Variants in SLC26A4 observed in about 807,000 individuals in gnomAD.
SLC26A4 encodes pendrin.
A neutral mutation model predicts 90.4 loss-of-function variants in SLC26A4; 93 were observed. The ratio of observed to expected loss-of-function variants is 1.03; its 90% CI spans 0.87 to 1.22. SLC26A4 has a LOEUF of 1.22. Ranked by LOEUF, SLC26A4 falls within the 50% of genes most tolerant of loss-of-function variation. The pLI is 0.00. For missense variants in SLC26A4, 1,127 were observed against 946.2 expected (o/e 1.19, Z -2.51); for synonymous variants, 393 against 354.6 (o/e 1.11, Z -1.22).
chr7:107,708,670 AT>A, intron 18 of SLC26A4, among the ~76,000 whole-genome samples: 1 of 152,238 alleles, frequency 6.6e-6, no homozygotes, highest in African/African-American at 2.4e-5. Flanking sequence ...CCTGAGCAAC[AT>A]GGTGAGACCC....
intron 6 of SLC26A4, among the ~76,000 whole-genome samples, chr7:107,676,277 T>G (rs1791021722): frequency 6.6e-6 from 1 of 152,232 alleles, no homozygotes; most frequent in South Asian, 2.1e-4. Flanking sequence ...TAACAAGTAC[T>G]CTAAATAAAG....
At chr7:107,710,900 A>T (rs894966353) in intron 19 of SLC26A4, among the ~76,000 whole-genome samples, 7 of 152,216 alleles carry the variant, frequency 4.6e-5, no homozygotes, top group African/African-American at 1.7e-4. Flanking sequence ...ACTAAAGCAA[A>T]TACCTATCAA....
At chr7:107,713,163 C>T (rs1279824164) in intron 20 of SLC26A4, among the ~76,000 whole-genome samples, 1 of 152,168 alleles carries the variant, frequency 6.6e-6, no homozygotes, top group East Asian at 1.9e-4. Context: ...AGCTTCGCCA[C>T]TGGATAAGAG....
intron 6 of SLC26A4, among the ~76,000 whole-genome samples, chr7:107,677,982 T>A (rs1436111969): frequency 6.6e-6 from 1 of 152,114 alleles, no homozygotes; most frequent in Non-Finnish European, 1.5e-5. Context: ...TTTTGCAATG[T>A]CGCCCAGGCT....
intron 18 of SLC26A4, among the ~76,000 whole-genome samples, chr7:107,705,941 T>G (rs1309425950): frequency 6.6e-6 from 1 of 152,244 alleles, no homozygotes; most frequent in East Asian, 1.9e-4. Flanking sequence ...AAATTTACAC[T>G]GAGTTGCTCA....
chr7:107,679,875 TTATATAATCTTATCTTATATAATCTTA>T (rs1242415958), intron 6 of SLC26A4, among the ~76,000 whole-genome samples: 3 of 117,300 alleles, frequency 2.6e-5, no homozygotes, highest in Admixed American at 9.0e-5. Context: ...TAATCTTATA[TTATATAATCTTATCTTATATAATCTTA>T]TATTATATGC....
chr7:107,675,860 C>A (rs982353745), intron 6 of SLC26A4, among the ~76,000 whole-genome samples: 20 of 152,306 alleles, frequency 1.3e-4, no homozygotes, highest in African/African-American at 4.8e-4. Context: ...GCGTGAGCCA[C>A]CGCGCCCGGC....
Position 107,661,658 on chromosome 7 carries a change from G to T in SLC26A4, c.17G>T (p.Gly6Val), listed in dbSNP as rs111033423. 1.1e-3 allele frequency: 1,728 copies of T among 1,567,808 alleles called. 34 individuals are homozygous for T. In the South Asian group the frequency reaches 0.017, roughly 15 times the overall value. Residue 6 changes from glycine (G) to valine (V), a missense_variant, in exon 2 of 21, where the codon GGC becomes GTC. Physicochemically the swap from Gly to Val is moderately radical, Grantham distance 109. Transcript: ENST00000644269. This position sits in a 1 kb window ranked among gnomAD's most constrained non-coding sequence, Gnocchi z 5.1. ...TCGCAGGTCATGGCAGCGCCAGGCG[G>T]CAGGTCGGAGCCGCCGCAGCTCCCC... MAAPG[G>V]RSEPPQLPEY...
rs200590284 is a variant in SLC26A4, at chr7:107,709,868, GC to G, written c.2090-183del. ...TTCTTAGCTGGGCATGGTAGGGTGT[GC>G]CCTGTAGTCCTAGCTAATTGGGAGG... On this transcript the variant is annotated intron_variant, in intron 18 of 20. Transcript: ENST00000644269. 0.025 allele frequency among the ~76,000 whole-genome samples: 3,786 copies of G among 152,238 alleles called. 154 individuals carry two copies. The highest frequency in any genetic ancestry group is 0.086 in the African/African-American group (3,559 of 41,534).
At chr7:107,691,180 T>TG (rs1320303663) in intron 10 of SLC26A4, among the ~76,000 whole-genome samples, 1 of 148,462 alleles carries the variant, frequency 6.7e-6, no homozygotes, top group Non-Finnish European at 1.5e-5. Flanking sequence ...AGTCTTCAAA[T>TG]GGGTTTTACT....
intron 8 of SLC26A4, among the ~76,000 whole-genome samples, chr7:107,686,413 C>CT (rs1252513977): frequency 4.0e-5 from 2 of 49,880 alleles, no homozygotes; most frequent in African/African-American, 1.4e-4. Flanking sequence ...TTTTTTCTTT[C>CT]TTTCTTTCTT....
At chr7:107,698,738 T>C (rs1234364509) in intron 14 of SLC26A4, among the ~76,000 whole-genome samples, 1 of 152,250 alleles carries the variant, frequency 6.6e-6, no homozygotes, top group Non-Finnish European at 1.5e-5. Context: ...TGTAAGATTT[T>C]CTTTATTCAG....
intron 5 of SLC26A4, among the ~76,000 whole-genome samples, chr7:107,674,687 C>T (rs1230034047): frequency 6.6e-6 from 1 of 152,144 alleles, no homozygotes; most frequent in East Asian, 1.9e-4. Flanking sequence ...CATAAATAAG[C>T]TCTGGGTTTT....
chr7:107,670,767 T>A (rs1254057795), intron 3 of SLC26A4, among the ~76,000 whole-genome samples: 1 of 152,168 alleles, frequency 6.6e-6, no homozygotes, highest in African/African-American at 2.4e-5. Flanking sequence ...TGATTTTCTC[T>A]CATTGTGAGT....
chr7:107,677,756 C>G (rs752495350), intron 6 of SLC26A4, among the ~76,000 whole-genome samples: 1 of 151,932 alleles, frequency 6.6e-6, no homozygotes, highest in Non-Finnish European at 1.5e-5. Flanking sequence ...CAGGTGTGCA[C>G]CACCACACCT....
Position 107,662,093 on chromosome 7 carries a change from C to T in SLC26A4, c.164+288C>T, listed in dbSNP as rs1790575355. The T allele has an allele frequency of 1.6e-5, 8 of 509,344 alleles. No individual in the cohort carries two copies. In the South Asian group the frequency reaches 2.1e-4, roughly 13 times the overall value. 31.6% of individuals were successfully genotyped at this position (509,344 alleles called of 1,614,324 possible). Reference sequence around the variant, plus strand: ...CTCTCTTTTTCCTCTCTGAAGGAAACTTGGAGTGCCTCTTGGGGTACAGTG... The same window carrying T: ...CTCTCTTTTTCCTCTCTGAAGGAAATTTGGAGTGCCTCTTGGGGTACAGTG... On this transcript the variant is annotated intron_variant, in intron 2 of 20. Coordinates refer to ENST00000644269, the MANE Select transcript of SLC26A4 (RefSeq NM_000441.2).
At position 107,702,018 on chromosome 7, in the gene SLC26A4, A is replaced by G. The variant is rs185493402; in HGVS notation, c.1995A>G (p.Ile665Met). 7 of 1,613,968 alleles carry G rather than the reference A, an allele frequency of 4.3e-6. No homozygotes were observed. In the East Asian group the frequency reaches 1.3e-4, roughly 31 times the overall value. The part of the protein sequence containing the change: ...IHSLVLDCGA[I>M]SFLDVVGVRS... ...GCCTTGTGCTTGACTGTGGAGCTAT[A>G]TCTTTCCTGGACGTTGTTGGAGTGA... is the stretch of plus-strand genomic sequence containing the variant. Residue 665 changes from isoleucine (I) to methionine (M), a missense_variant, in exon 17 of 21, where the codon ATA becomes ATG. Coordinates refer to ENST00000644269, the MANE Select transcript of SLC26A4 (RefSeq NM_000441.2).
chr7:107,688,335 A>T (rs904880583), intron 8 of SLC26A4, among the ~76,000 whole-genome samples: 2 of 152,200 alleles, frequency 1.3e-5, no homozygotes, highest in African/African-American at 4.8e-5. Context: ...CTCTGGAATT[A>T]TACCATATGG....
At chr7:107,691,699 TG>T (rs1422564073) in intron 10 of SLC26A4, 1 of 435,990 alleles carries the variant, frequency 2.3e-6, no homozygotes, top group Admixed American at 6.4e-5. Flanking sequence ...GTGACAGACT[TG>T]GAAGAATTGG....
Sources: allele counts gnomAD v4.1 joint callset (sites outside exome capture counted in the v4.1 genomes callset), GRCh38; gene constraint gnomAD v4.1.1; non-coding constraint Gnocchi (gnomAD v3.1); transcripts MANE v1.5; gene names NCBI Gene and HGNC (gene_info 2026-07-23, HGNC 2026-07-21).